RTL10: variants seen among roughly 807,000 people sequenced by gnomAD.
The protein encoded by RTL10 is retrotransposon Gag like 10.
For missense variants in RTL10, 477 were observed against 470.7 expected (o/e 1.01, Z -0.12); for synonymous variants, 199 against 188.4 (o/e 1.06, Z -0.46).
rs201071347 is a variant in RTL10, at chr22:19,849,384, T to TG, written c.*1782_*1783insC. 100,303 of 819,356 alleles carry TG rather than the reference T, an allele frequency of 0.12. 3,100 individuals are homozygous for TG. Among genetic ancestry groups the TG allele is most frequent in the Middle Eastern group, 0.15 (235 of 1,556 alleles). 50.8% of individuals were successfully genotyped at this position (819,356 alleles called of 1,614,324 possible). ...TTTGTTTTTTGTTGTTTTTTTTTTT[T>TG]TGGGATGGAGTTTCACTCTTGTTGT... On this transcript the variant is annotated 3_prime_UTR_variant, in exon 3 of 3. Transcript: ENST00000328554.
Position 19,850,823 on chromosome 22 carries a change from G to C in RTL10, c.*344C>G. 2 of 1,295,542 alleles carry C rather than the reference G, an allele frequency of 1.5e-6. No homozygotes were observed. Among genetic ancestry groups the C allele is most frequent in the African/African-American group, 1.5e-5 (1 of 66,568 alleles). The allele number at this position is 1,295,542 out of a possible 1,614,324, so 80.3% of individuals were successfully genotyped here. A position where few individuals can be genotyped will look rare whatever the true frequency, so the allele number is the denominator to read the frequency against. ...AAGACACCAAGGGGGGTGTTTTATG[G>C]GGGTGGAGGTGACAAAGATGATGCA... On this transcript the variant is annotated 3_prime_UTR_variant, in exon 3 of 3. Transcript: ENST00000328554.
chr22:19,849,699 A>G lies in RTL10; in HGVS notation c.*1468T>C. ...GAATAAGTTTAATCAGATGCTTGCT[A>G]ATTAGTTTTTCCTAAAATAGTTGGC... On this transcript the variant is annotated 3_prime_UTR_variant, in exon 3 of 3. Coordinates refer to ENST00000328554, the MANE Select transcript of RTL10 (RefSeq NM_024627.6). The G allele has an allele frequency of 1.0e-6, 1 of 985,332 alleles. No homozygotes were observed. Among genetic ancestry groups the G allele is most frequent in the Non-Finnish European group, 1.2e-6 (1 of 829,844 alleles). 61.0% of individuals were successfully genotyped at this position (985,332 alleles called of 1,614,324 possible).
chr22:19,846,488 G>C lies in RTL10; in HGVS notation c.*4679C>G. 1.0e-6 allele frequency: 1 copy of C among 985,250 alleles called. No homozygotes were observed. Among genetic ancestry groups the C allele is most frequent in the Non-Finnish European group, 1.2e-6 (1 of 829,758 alleles). The allele number at this position is 985,250 out of a possible 1,614,324, so 61.0% of individuals were successfully genotyped here. A position where few individuals can be genotyped will look rare whatever the true frequency, so the allele number is the denominator to read the frequency against. ...AGGGCCTGGGGGACTCTGCACACAG[G>C]CATGTGGAGACCACAGAAGCCTGCC... is the stretch of plus-strand genomic sequence containing the variant. On this transcript the variant is annotated 3_prime_UTR_variant, in exon 3 of 3. Transcript: ENST00000328554.
In RTL10 at chr22:19,851,915, C is replaced by G. The variant is rs17745302; in HGVS notation, c.347G>C (p.Arg116Pro). The change falls in exon 3 of 3, where the codon CGC becomes CCC. Residue 116 changes from arginine to proline, a missense_variant. Physicochemically the swap from Arg to Pro is moderately radical, Grantham distance 103 (BLOSUM62 -2). Coordinates refer to ENST00000328554, the MANE Select transcript of RTL10 (RefSeq NM_024627.6). ...GTAATCGCCCAGCTGGGCCAAGAAGCGGTCCAGTAGCCACGGGGAGCCATC... is the reference window on the plus strand; with the variant it reads ...GTAATCGCCCAGCTGGGCCAAGAAGGGGTCCAGTAGCCACGGGGAGCCATC... The part of the protein sequence containing the change: ...TFDGSPWLLD[R>P]FLAQLGDYMS... 3.1e-6 allele frequency: 5 copies of G among 1,614,024 alleles called. No individual in the cohort carries two copies. The highest frequency in any genetic ancestry group is 4.2e-6 in the Non-Finnish European group (5 of 1,180,000).
In RTL10 at chr22:19,850,087, C is replaced by A; in HGVS notation, c.*1080G>T. ...CACCCACCCCCTACTCAGCCCCACC[C>A]AGCTTCTTTGATCAGACCCTTGGAC... On this transcript the variant is annotated 3_prime_UTR_variant, in exon 3 of 3. Transcript: ENST00000328554. 1 of 985,832 alleles carries A rather than the reference C, an allele frequency of 1.0e-6. No homozygotes were observed. The allele number at this position is 985,832 out of a possible 1,614,324, so 61.1% of individuals were successfully genotyped here.
At position 19,849,374 on chromosome 22, in the gene RTL10, T is replaced by TG. The variant is rs1938040434; in HGVS notation, c.*1792_*1793insC. 2 of 813,314 alleles carry TG rather than the reference T, an allele frequency of 2.5e-6. No homozygotes were observed. The highest frequency in any genetic ancestry group is 1.5e-6 in the Non-Finnish European group (1 of 681,452). 50.4% of individuals were successfully genotyped at this position (813,314 alleles called of 1,614,324 possible). A position where few individuals can be genotyped will look rare whatever the true frequency, so the allele number is the denominator to read the frequency against. On this transcript the variant is annotated 3_prime_UTR_variant, in exon 3 of 3. Transcript: ENST00000328554. Reference sequence around the variant, plus strand: ...AAATAAGGTTTTTGTTTTTTGTTGTTTTTTTTTTTTTGGGATGGAGTTTCA... The same window carrying TG: ...AAATAAGGTTTTTGTTTTTTGTTGTTGTTTTTTTTTTTGGGATGGAGTTTCA...
Position 19,849,258 on chromosome 22 carries a change from C to T in RTL10, c.*1909G>A, listed in dbSNP as rs776315004. On this transcript the variant is annotated 3_prime_UTR_variant, in exon 3 of 3. Transcript: ENST00000328554. The stretch of plus-strand genomic sequence containing the variant: ...TGTTTTACCTACAAGGTATCTGTGC[C>T]CTGAAATAACTCACACATAAAACCA... The T allele has an allele frequency of 1.0e-6, 1 of 984,890 alleles. No individual in the cohort carries two copies. 61.0% of individuals were successfully genotyped at this position (984,890 alleles called of 1,614,324 possible).
intron 2 of RTL10, among the ~76,000 whole-genome samples, chr22:19,853,577 C>CCTATCTG (rs1401742950): frequency 6.6e-6 from 1 of 152,214 alleles, no homozygotes; most frequent in Non-Finnish European, 1.5e-5. Context: ...TCCCACATCT[C>CCTATCTG]CTATCTGCTG....
In RTL10 at chr22:19,847,053, C is replaced by T. The variant is rs1001042147; in HGVS notation, c.*4114G>A. The T allele has an allele frequency of 4.1e-6, 4 of 985,306 alleles. No individual in the cohort carries two copies. The highest frequency in any genetic ancestry group is 1.7e-5 in the African/African-American group (1 of 57,234). 61.0% of individuals were successfully genotyped at this position (985,306 alleles called of 1,614,324 possible). On this transcript the variant is annotated 3_prime_UTR_variant, in exon 3 of 3. Transcript: ENST00000328554. ...AGCCCATAGGATGATCAGCTGCTGCCGTCCTATGGAACTCAGGTGTGGCTC... is the reference window on the plus strand; with the variant it reads ...AGCCCATAGGATGATCAGCTGCTGCTGTCCTATGGAACTCAGGTGTGGCTC...
rs1468350618 is a variant in RTL10 at position 19,847,803 on chromosome 22, G to GGAAAAAAA, written c.*3363_*3364insTTTTTTTC. 1.5e-4 allele frequency: 64 copies of GGAAAAAAA among 440,406 alleles called. No individual in the cohort carries two copies. The African/African-American group carries it at 2.5e-3, about 17-fold the overall frequency. 27.3% of individuals were successfully genotyped at this position (440,406 alleles called of 1,614,324 possible). On this transcript the variant is annotated 3_prime_UTR_variant, in exon 3 of 3. Transcript: ENST00000328554. ...AACTTTTAAAATCCTGGAATCATAG[G>GGAAAAAAA]CAAAAAAAAAAAAAAAAAAAAATTC...
chr22:19,846,753 A>G lies in RTL10; in HGVS notation c.*4414T>C. 2.7e-6 allele frequency: 1 copy of G among 366,756 alleles called. No homozygotes were observed. Among genetic ancestry groups the G allele is most frequent in the Non-Finnish European group, 3.8e-6 (1 of 264,298 alleles). 22.7% of individuals were successfully genotyped at this position (366,756 alleles called of 1,614,324 possible). A position where few individuals can be genotyped will look rare whatever the true frequency, so the allele number is the denominator to read the frequency against. On this transcript the variant is annotated 3_prime_UTR_variant, in exon 3 of 3. Transcript: ENST00000328554. ...TTAGGACACAGACACAGACAGGGAC[A>G]CGGCAAGAAGATGGCTATCTGCAGG...
chr22:19,849,005 C>T lies in RTL10; in HGVS notation c.*2162G>A. Reference sequence around the variant, plus strand: ...TGCACTGGAGGTAGGCATCAGGGAGCAGTCTGACCCAACCCACAAAAGGGG... The same window carrying T: ...TGCACTGGAGGTAGGCATCAGGGAGTAGTCTGACCCAACCCACAAAAGGGG... On this transcript the variant is annotated 3_prime_UTR_variant, in exon 3 of 3. Coordinates refer to ENST00000328554, the MANE Select transcript of RTL10 (RefSeq NM_024627.6). 3 of 985,472 alleles carry T rather than the reference C, an allele frequency of 3.0e-6. No homozygotes were observed. Among genetic ancestry groups the T allele is most frequent in the Non-Finnish European group, 3.6e-6 (3 of 829,960 alleles). 61.0% of individuals were successfully genotyped at this position (985,472 alleles called of 1,614,324 possible).
Position 19,847,282 on chromosome 22 carries a change from G to C in RTL10, c.*3885C>G. 1.0e-6 allele frequency: 1 copy of C among 984,924 alleles called. No homozygotes were observed. Among genetic ancestry groups the C allele is most frequent in the Non-Finnish European group, 1.2e-6 (1 of 829,434 alleles). 61.0% of individuals were successfully genotyped at this position (984,924 alleles called of 1,614,324 possible). ...GCCAACTGTAGCCGCTGCGCTGTTG[G>C]AGATCTTTGTTACTGCAGCACAATC... On this transcript the variant is annotated 3_prime_UTR_variant, in exon 3 of 3. Transcript: ENST00000328554.
In RTL10 at chr22:19,846,975, C is replaced by T. The variant is rs573738183; in HGVS notation, c.*4192G>A. On this transcript the variant is annotated 3_prime_UTR_variant, in exon 3 of 3. Coordinates refer to ENST00000328554, the MANE Select transcript of RTL10 (RefSeq NM_024627.6). ...TCCCATCCTCCCATCCTCAGCAGCA[C>T]CAACCAGCCCCACGCTGGGTGGCTG... 5.1e-6 allele frequency: 5 copies of T among 985,482 alleles called. No individual in the cohort carries two copies. The African/African-American group carries it at 5.2e-5, about 10-fold the overall frequency. 61.0% of individuals were successfully genotyped at this position (985,482 alleles called of 1,614,324 possible).
In RTL10 at chr22:19,847,673, G is replaced by C. The variant is rs970874897; in HGVS notation, c.*3494C>G. ...TGCACCTAGCAAGTAGTCACAGCATGCATGTGCCTAGAATTGTTACGTGGT... is the reference window on the plus strand; with the variant it reads ...TGCACCTAGCAAGTAGTCACAGCATCCATGTGCCTAGAATTGTTACGTGGT... On this transcript the variant is annotated 3_prime_UTR_variant, in exon 3 of 3. Coordinates refer to ENST00000328554, the MANE Select transcript of RTL10 (RefSeq NM_024627.6). 5.1e-6 allele frequency: 5 copies of C among 984,300 alleles called. No homozygotes were observed. The highest frequency in any genetic ancestry group is 4.8e-6 in the Non-Finnish European group (4 of 829,082). 61.0% of individuals were successfully genotyped at this position (984,300 alleles called of 1,614,324 possible). A position where few individuals can be genotyped will look rare whatever the true frequency, so the allele number is the denominator to read the frequency against.
rs1303195732 is a variant in RTL10, at chr22:19,850,071, C to G, written c.*1096G>C. On this transcript the variant is annotated 3_prime_UTR_variant, in exon 3 of 3. Transcript: ENST00000328554. ...TCTCTACCTGCAGAGCCACCCACCC[C>G]CTACTCAGCCCCACCCAGCTTCTTT... 1.0e-6 allele frequency: 1 copy of G among 985,710 alleles called. No individual in the cohort carries two copies. The highest frequency in any genetic ancestry group is 1.7e-5 in the African/African-American group (1 of 57,242). 61.1% of individuals were successfully genotyped at this position (985,710 alleles called of 1,614,324 possible).
At position 19,850,813 on chromosome 22, in the gene RTL10, G is replaced by T. The variant is rs140361322; in HGVS notation, c.*354C>A. On this transcript the variant is annotated 3_prime_UTR_variant, in exon 3 of 3. Transcript: ENST00000328554. ...GCCAGTGTGGAAGACACCAAGGGGG[G>T]TGTTTTATGGGGGTGGAGGTGACAA... The T allele has an allele frequency of 7.7e-7, 1 of 1,294,224 alleles. No homozygotes were observed. The highest frequency in any genetic ancestry group is 3.0e-5 in the South Asian group (1 of 33,428). 80.2% of individuals were successfully genotyped at this position (1,294,224 alleles called of 1,614,324 possible).
In RTL10 at chr22:19,846,393, C is replaced by A; in HGVS notation, c.*4774G>T. 1.0e-6 allele frequency: 1 copy of A among 983,544 alleles called. No homozygotes were observed. The highest frequency in any genetic ancestry group is 1.2e-6 in the Non-Finnish European group (1 of 828,188). The allele number at this position is 983,544 out of a possible 1,614,324, so 60.9% of individuals were successfully genotyped here. On this transcript the variant is annotated 3_prime_UTR_variant, in exon 3 of 3. Coordinates refer to ENST00000328554, the MANE Select transcript of RTL10 (RefSeq NM_024627.6). ...GTGAGAAACAGCATCCCATACAGCA[C>A]AACTGGGCACTGCCTACTCAACAGC...
Position 19,852,256 on chromosome 22 carries a change from A to T in RTL10, c.6T>A (p.Pro2=). Residue 2 remains proline, a synonymous_variant, in exon 3 of 3, where the codon CCT becomes CCA. Transcript: ENST00000328554. ...GGCCCTGCTGACGGCACCGGCCACG[A>T]GGCATGCTGGGAGCACAGGGGAGAA... M[P]RGRCRQQGPR... 4 of 1,602,724 alleles carry T rather than the reference A, an allele frequency of 2.5e-6. No homozygotes were observed. In the East Asian group the frequency reaches 8.9e-5, roughly 36 times the overall value.
Sources: gnomAD v4.1 joint callset for allele counts (sites outside exome capture counted in the v4.1 genomes callset) on GRCh38, gnomAD v4.1.1 for gene constraint, MANE v1.5 for transcripts, NCBI Gene and HGNC (gene_info 2026-07-23, HGNC 2026-07-21) for gene names.